COPG2: variants seen among roughly 807,000 people sequenced by gnomAD.
COPG2 encodes the protein coat protein complex I subunit gamma 2.
In COPG2, 37 loss-of-function variants were observed where a neutral mutation model predicts 46.3. The ratio of observed to expected loss-of-function variants is 0.80; its 90% CI spans 0.61 to 1.05. The LOEUF (loss-of-function observed/expected upper bound fraction) is 1.05. Ranked by LOEUF, COPG2 falls within the 50% of genes least tolerant of loss-of-function variation. The probability of loss-of-function intolerance (pLI) is 0.00; values close to 1 mark genes in which losing one functional copy is unlikely to be tolerated. For missense variants in COPG2, 427 were observed against 387.8 expected, an observed-to-expected ratio of 1.10 and a Z score of -0.85; for synonymous variants, 159 against 129.7, an observed-to-expected ratio of 1.23 and a Z score of -1.53.
chr7:130,668,487 G>A (rs1464481067), intron 1 of COPG2, 145 bp downstream of exon 1: 5 of 556,842 alleles, frequency 9.0e-6, no homozygotes, highest in African/African-American at 2.0e-5. Context: ...CAGCCGCGAG[G>A]GGAGGGGAGG....
rs1799848175 is a variant in COPG2 at position 130,533,403 on chromosome 7, TGGA to T, written c.2149+14268_2149+14270del. ...TTTACAAAGTCTATGAAGAAGCCCA[TGGA>T]GGAGAAATCATGGTACAGGTAAGAC... On this transcript the variant is annotated intron_variant, in intron 20 of 23. Transcript: ENST00000425248. Among the ~76,000 whole-genome samples the T allele has an allele frequency of 2.0e-5, 3 of 151,604 alleles. No individual in the cohort carries two copies. The South Asian group carries it at 6.2e-4, about 32-fold the overall frequency.
chr7:130,515,116 C>A (rs1799668602), intron 20 of COPG2, among the ~76,000 whole-genome samples: 1 of 152,164 alleles, frequency 6.6e-6, no homozygotes, highest in African/African-American at 2.4e-5. Flanking sequence ...TCCCCTCCCC[C>A]AGACCTAGTC....
chr7:130,623,414 C>T (rs535168528), intron 5 of COPG2, among the ~76,000 whole-genome samples: 1 of 152,304 alleles, frequency 6.6e-6, no homozygotes, highest in African/African-American at 2.4e-5. Context: ...TTTTATTCCA[C>T]GGTCTGTTAG....
At chr7:130,616,260 G>C (rs185008301) in intron 6 of COPG2, among the ~76,000 whole-genome samples, 1 of 152,274 alleles carries the variant, frequency 6.6e-6, no homozygotes, top group Non-Finnish European at 1.5e-5. Context: ...ATTGTTGATT[G>C]TGTAGGAGAT....
intron 5 of COPG2, among the ~76,000 whole-genome samples, chr7:130,629,405 T>A (rs1203148922): frequency 4.0e-5 from 6 of 151,432 alleles, no homozygotes; most frequent in Non-Finnish European, 8.8e-5. Flanking sequence ...TATCATTTTT[T>A]TTTTTTTGAG....
intron 9 of COPG2, chr7:130,603,904 TTGA>T (rs1274173221): frequency 1.8e-5 from 9 of 512,626 alleles, no homozygotes; most frequent in Non-Finnish European, 3.5e-5. Flanking sequence ...AATCATCTTG[TTGA>T]TAACAAAAAT....
At chr7:130,521,858 G>C (rs1799726857) in intron 20 of COPG2, among the ~76,000 whole-genome samples, 1 of 152,152 alleles carries the variant, frequency 6.6e-6, no homozygotes, top group African/African-American at 2.4e-5. Flanking sequence ...AAGGGAAAAA[G>C]GGTGAGGTAG....
At chr7:130,576,097 GATAGATGGCAACACAATA>G (rs1563047298) in intron 9 of COPG2, among the ~76,000 whole-genome samples, 1 of 152,116 alleles carries the variant, frequency 6.6e-6, no homozygotes, top group Non-Finnish European at 1.5e-5. Flanking sequence ...TAAGAAATGA[GATAGATGGCAACACAATA>G]ATAGTGGGGG....
intron 12 of COPG2, among the ~76,000 whole-genome samples, chr7:130,559,605 T>C (rs1425717024): frequency 6.6e-6 from 1 of 152,146 alleles, no homozygotes; most frequent in African/African-American, 2.4e-5. Flanking sequence ...TGAGGAATCA[T>C]AGAGACCACT....
chr7:130,644,426 G>C (rs1444760137), intron 5 of COPG2, among the ~76,000 whole-genome samples: 1 of 152,122 alleles, frequency 6.6e-6, no homozygotes, highest in Admixed American at 6.5e-5. Flanking sequence ...TGGGTACCTA[G>C]GAACAAATTC....
In COPG2 at chr7:130,666,852, G is replaced by A. The variant is rs1796090861; in HGVS notation, c.168C>T (p.Asn56=). 7.1e-7 allele frequency: 1 copy of A among 1,415,024 alleles called. No individual in the cohort carries two copies. Among genetic ancestry groups the A allele is most frequent in the Non-Finnish European group, 9.9e-7 (1 of 1,013,014 alleles). The allele number at this position is 1,415,024 out of a possible 1,614,324, so 87.7% of individuals were successfully genotyped here. The change falls in exon 3 of 24, where the codon AAC becomes AAT. Residue 56 remains asparagine (N), a synonymous_variant. Coordinates refer to ENST00000425248, the MANE Select transcript of COPG2 (RefSeq NM_012133.6). ...GAGGAAAATAAAAATAATATACCTG[G>A]TTCAGTAAGTAAAGAATCTTTGTAA... ...HILTKILYLL[N]QGEHFGTTEA...
In COPG2 at chr7:130,624,730, T is replaced by C. The variant is rs1338677242; in HGVS notation, c.324-7665A>G. ...TGGCCTCCAGTTCCATCCAAGTTGC[T>C]GCAAAAGACATTCTTTTGTTCCTTT... is the stretch of plus-strand genomic sequence containing the variant. On this transcript the variant is annotated intron_variant, in intron 5 of 23. Transcript: ENST00000425248. Among the ~76,000 whole-genome samples, 3 of 152,246 alleles carry C rather than the reference T, an allele frequency of 2.0e-5. No homozygotes were observed. The East Asian group carries it at 5.8e-4, about 29-fold the overall frequency.
At chr7:130,636,031 C>G (rs1795330183) in intron 5 of COPG2, among the ~76,000 whole-genome samples, 1 of 152,174 alleles carries the variant, frequency 6.6e-6, no homozygotes, top group African/African-American at 2.4e-5. Context: ...GTTTCTTAAT[C>G]CTGAATTCTA....
intron 5 of COPG2, among the ~76,000 whole-genome samples, chr7:130,640,748 A>T (rs1554457087): frequency 6.6e-6 from 1 of 152,122 alleles, no homozygotes; most frequent in Non-Finnish European, 1.5e-5. Flanking sequence ...ACATTAACAC[A>T]CCTTTCTCCA....
chr7:130,595,809 C>T (rs1211951075), intron 9 of COPG2, among the ~76,000 whole-genome samples: 1 of 152,184 alleles, frequency 6.6e-6, no homozygotes, highest in African/African-American at 2.4e-5. Flanking sequence ...GGGGACCCCC[C>T]CCCTCCAGCC....
intron 9 of COPG2, among the ~76,000 whole-genome samples, chr7:130,594,923 A>C (rs540126190): frequency 2.8e-4 from 42 of 152,302 alleles, no homozygotes; most frequent in Admixed American, 8.5e-4. Context: ...TAAAATGGAA[A>C]ATGGTGCAGC....
intron 20 of COPG2, among the ~76,000 whole-genome samples, chr7:130,523,835 C>T (rs1408329859): frequency 4.0e-5 from 6 of 151,820 alleles, no homozygotes; most frequent in Non-Finnish European, 5.9e-5. Context: ...TTGAAGACAT[C>T]GGTGCTAAGG....
At position 130,506,571 on chromosome 7, in the gene COPG2, A is replaced by C; in HGVS notation, c.*105T>G. ...GGCCAAATGTTTAATTTGCTTCTCC[A>C]AAGTCATTCATCTTCAAAAGTCTGA... On this transcript the variant is annotated 3_prime_UTR_variant, in exon 24 of 24. Coordinates refer to ENST00000425248, the MANE Select transcript of COPG2 (RefSeq NM_012133.6). 1 of 517,424 alleles carries C rather than the reference A, an allele frequency of 1.9e-6. No individual in the cohort carries two copies. The allele number at this position is 517,424 out of a possible 1,614,324, so 32.1% of individuals were successfully genotyped here. A position where few individuals can be genotyped will look rare whatever the true frequency, so the allele number is the denominator to read the frequency against.
chr7:130,621,011 T>C (rs1368705596), intron 5 of COPG2, among the ~76,000 whole-genome samples: 2 of 152,130 alleles, frequency 1.3e-5, no homozygotes, highest in Non-Finnish European at 2.9e-5. Context: ...GAAATTATAT[T>C]GAATTATTTG....
Sources: allele counts gnomAD v4.1 joint callset (sites outside exome capture counted in the v4.1 genomes callset), GRCh38; gene constraint gnomAD v4.1.1; transcripts MANE v1.5; gene names NCBI Gene and HGNC (gene_info 2026-07-23, HGNC 2026-07-21).